Variants in PAN3 observed in about 807,000 individuals in gnomAD.
PAN3 encodes PAN2-PAN3 deadenylation complex subunit PAN3.
In PAN3, 19 loss-of-function variants were observed where a neutral mutation model predicts 96.2. The observed-to-expected ratio is 0.20, with a 90% CI of 0.14 to 0.29. PAN3 has a LOEUF of 0.29. Among genes scored for constraint, PAN3 ranks in the 10% least tolerant of loss-of-function variants. The pLI is 1.00. For missense variants in PAN3, 882 were observed against 1,108.1 expected, an observed-to-expected ratio of 0.80 and a Z score of 2.90; for synonymous variants, 433 against 406.6, an observed-to-expected ratio of 1.06 and a Z score of -0.78.
chr13:28,285,951 C>T (rs1321571837), intron 17 of PAN3, among the ~76,000 whole-genome samples: 2 of 151,998 alleles, frequency 1.3e-5, no homozygotes, highest in Non-Finnish European at 2.9e-5. Context: ...TCATAGGAAA[C>T]AAGAGTTTGC....
intron 4 of PAN3, among the ~76,000 whole-genome samples, chr13:28,193,604 G>C (rs1286890): frequency 0.23 from 34,404 of 151,540 alleles, 4,018 homozygotes; most frequent in East Asian, 0.33. Context: ...TTAGCTGGGC[G>C]TGGTGGTACA....
chr13:28,246,232 A>G (rs1465882544), intron 6 of PAN3, among the ~76,000 whole-genome samples: 1 of 152,088 alleles, frequency 6.6e-6, no homozygotes, highest in East Asian at 1.9e-4. Context: ...TCCTTTGCCC[A>G]GTTTTAAATT....
chr13:28,214,396 GT>G (rs59162881), intron 5 of PAN3: 6,562 of 165,362 alleles, frequency 0.04, 421 homozygotes, highest in African/African-American at 0.15. Flanking sequence ...TACAAATGAA[GT>G]ATTGATAGGT....
chr13:28,284,018 ATAC>A (rs1371317668), intron 17 of PAN3, among the ~76,000 whole-genome samples: 1 of 152,180 alleles, frequency 6.6e-6, no homozygotes, highest in Admixed American at 6.5e-5. Flanking sequence ...TAACTTGTGC[ATAC>A]TTAATCTTAT....
chr13:28,141,783 A>G (rs1869884899), intron 1 of PAN3, among the ~76,000 whole-genome samples: 1 of 152,132 alleles, frequency 6.6e-6, no homozygotes. Context: ...TTAACACACA[A>G]TAGGTAGAAG....
intron 4 of PAN3, among the ~76,000 whole-genome samples, chr13:28,193,560 G>A (rs983109106): frequency 2.0e-5 from 3 of 151,646 alleles, no homozygotes; most frequent in Non-Finnish European, 2.9e-5. Context: ...TGGGCAACAT[G>A]GAGAGACTCC....
intron 1 of PAN3, among the ~76,000 whole-genome samples, chr13:28,144,214 T>C (rs1362919687): frequency 7.3e-6 from 1 of 137,394 alleles, no homozygotes; most frequent in African/African-American, 2.9e-5. Context: ...TTTTTTTGTT[T>C]TTTTTTTTTT....
At chr13:28,193,917 G>A (rs150850511) in intron 4 of PAN3, among the ~76,000 whole-genome samples, 1,611 of 152,044 alleles carry the variant, frequency 0.011, 22 homozygotes, top group African/African-American at 0.037. Context: ...AGCACTTTGG[G>A]AGGCCGAGGC....
chr13:28,216,869 A>C (rs1306454322), intron 5 of PAN3, among the ~76,000 whole-genome samples: 1 of 151,800 alleles, frequency 6.6e-6, no homozygotes, highest in African/African-American at 2.4e-5. Flanking sequence ...TAATCCCAGC[A>C]CTTTGGGAGG....
In PAN3 at chr13:28,204,850, T is replaced by C. The variant is rs757456718; in HGVS notation, c.852+7504T>C. The stretch of plus-strand genomic sequence containing the variant: ...TTGTGTGGTTGTGAATCATAAGTTA[T>C]AATATTACTATTGTTTTAGTGAAGT... On this transcript the variant is annotated intron_variant, in intron 5 of 18. Coordinates refer to ENST00000380958, the MANE Select transcript of PAN3 (RefSeq NM_175854.8). Among the ~76,000 whole-genome samples, 4 of 152,232 alleles carry C rather than the reference T, an allele frequency of 2.6e-5. No individual in the cohort carries two copies. In the South Asian group the frequency reaches 6.2e-4, roughly 24 times the overall value.
At chr13:28,290,457 G>A (rs766349468) in intron 18 of PAN3, among the ~76,000 whole-genome samples, 6 of 152,254 alleles carry the variant, frequency 3.9e-5, no homozygotes, top group South Asian at 4.1e-4. Context: ...CCAGGTGCAC[G>A]GATCACCTGA....
intron 4 of PAN3, among the ~76,000 whole-genome samples, chr13:28,188,267 C>T (rs1286929583): frequency 2.0e-5 from 3 of 151,860 alleles, no homozygotes; most frequent in Non-Finnish European, 4.4e-5. Flanking sequence ...TTGCAACCTC[C>T]TCTGACTCCT....
intron 6 of PAN3, among the ~76,000 whole-genome samples, chr13:28,246,265 C>G (rs958451764): frequency 1.3e-5 from 2 of 151,918 alleles, no homozygotes; most frequent in African/African-American, 2.4e-5. Flanking sequence ...TTTTTTAAAT[C>G]ATTGTGTGGT....
chr13:28,172,427 G>C (rs1874428511), intron 1 of PAN3, among the ~76,000 whole-genome samples: 1 of 152,104 alleles, frequency 6.6e-6, no homozygotes, highest in Non-Finnish European at 1.5e-5. Flanking sequence ...CTGCATTCCA[G>C]CCTGGGTGAC....
At position 28,288,580 on chromosome 13, in the gene PAN3, C is replaced by A. The variant is rs1475394619; in HGVS notation, c.2523+458C>A. ...GTGGTAGGATTATAGGCGTGAGCCA[C>A]TGCGCCTGGCCTTCATGAATAATTT... On this transcript the variant is annotated intron_variant, in intron 18 of 18. Coordinates refer to ENST00000380958, the MANE Select transcript of PAN3 (RefSeq NM_175854.8). Among the ~76,000 whole-genome samples the A allele has an allele frequency of 2.0e-5, 3 of 152,318 alleles. No homozygotes were observed. In the South Asian group the frequency reaches 6.2e-4, roughly 32 times the overall value.
chr13:28,217,453 A>G (rs1175125503), intron 5 of PAN3, among the ~76,000 whole-genome samples: 1 of 151,948 alleles, frequency 6.6e-6, no homozygotes, highest in African/African-American at 2.4e-5. Context: ...TTGGTGACAC[A>G]CACCTGTAAT....
At chr13:28,288,912 C>T (rs990035682) in intron 18 of PAN3, among the ~76,000 whole-genome samples, 26 of 143,920 alleles carry the variant, frequency 1.8e-4, no homozygotes, top group African/African-American at 4.5e-4. Flanking sequence ...CTGCAAGCTC[C>T]GCCTCCCGGG....
intron 18 of PAN3, among the ~76,000 whole-genome samples, chr13:28,289,582 T>C (rs894373694): frequency 4.6e-5 from 7 of 152,230 alleles, no homozygotes; most frequent in Non-Finnish European, 5.9e-5. Flanking sequence ...CATTATGTTT[T>C]AGAAAAGGTT....
chr13:28,150,500 G>A (rs1405167157), intron 1 of PAN3, among the ~76,000 whole-genome samples: 1 of 151,750 alleles, frequency 6.6e-6, no homozygotes, highest in Non-Finnish European at 1.5e-5. Context: ...TGGCGGGCGC[G>A]GTGACGGGCA....
Sources: allele counts gnomAD v4.1 joint callset (sites outside exome capture counted in the v4.1 genomes callset), GRCh38; gene constraint gnomAD v4.1.1; transcripts MANE v1.5; gene names NCBI Gene and HGNC (gene_info 2026-07-23, HGNC 2026-07-21).